LDLRAD4: variants seen among roughly 807,000 people sequenced by gnomAD.
LDLRAD4 encodes the protein low density lipoprotein receptor class A domain containing 4, also known as low-density lipoprotein receptor class A domain-containing protein 4.
A neutral mutation model predicts 17.0 loss-of-function variants in LDLRAD4; 5 were observed. That is an observed-to-expected ratio of 0.29 (90% CI 0.15 to 0.62). The LOEUF (loss-of-function observed/expected upper bound fraction) is 0.62. Among genes scored for constraint, LDLRAD4 ranks in the 20% least tolerant of loss-of-function variants. The pLI is 0.84. For missense variants in LDLRAD4, 340 were observed against 424.7 expected (o/e 0.80, Z 1.75); for synonymous variants, 168 against 171.8 (o/e 0.98, Z 0.17).
chr18:13,277,739 T>C (rs911645832), upstream of LDLRAD4, among the ~76,000 whole-genome samples: 4 of 151,944 alleles, frequency 2.6e-5, no homozygotes, highest in Non-Finnish European at 4.4e-5. Flanking sequence ...GCTTTTAGAG[T>C]GTGTATGAAT....
intron 3 of LDLRAD4, among the ~76,000 whole-genome samples, chr18:13,524,863 T>C (rs969392840): frequency 6.6e-6 from 1 of 152,230 alleles, no homozygotes; most frequent in African/African-American, 2.4e-5. Context: ...GACTTGATCT[T>C]CTTGATCTTA....
intron 2 of LDLRAD4, among the ~76,000 whole-genome samples, chr18:13,429,694 T>A (rs1217797988): frequency 6.6e-6 from 1 of 152,116 alleles, no homozygotes; most frequent in African/African-American, 2.4e-5. Flanking sequence ...TTCAGGCCTT[T>A]CAGCCAGGGG....
chr18:13,446,790 G>A (rs2091438408), intron 3 of LDLRAD4, among the ~76,000 whole-genome samples: 1 of 152,268 alleles, frequency 6.6e-6, no homozygotes, highest in South Asian at 2.1e-4. Context: ...GCCCGCCTCA[G>A]CCACATGTGG....
At chr18:13,525,274 C>T (rs1207861795) in intron 3 of LDLRAD4, among the ~76,000 whole-genome samples, 5 of 152,172 alleles carry the variant, frequency 3.3e-5, no homozygotes, top group African/African-American at 1.2e-4. Context: ...AGACACTGAC[C>T]TTAAGCTCTC....
chr18:13,564,800 C>CG (rs1291400914), intron 3 of LDLRAD4, among the ~76,000 whole-genome samples: 3 of 151,934 alleles, frequency 2.0e-5, no homozygotes, highest in Admixed American at 6.5e-5. Flanking sequence ...TGTGGCTGGT[C>CG]GGGGGTCATT....
At chr18:13,635,931 CTGTGTGTGTGTGTGTGTGTGTGTG>C (rs60695092) in intron 4 of LDLRAD4, among the ~76,000 whole-genome samples, 1 of 147,342 alleles carries the variant, frequency 6.8e-6, no homozygotes, top group East Asian at 2.0e-4. Flanking sequence ...GACAGCTATG[CTGTGTGTGTGTGTGTGTGTGTGTG>C]TGTGTGTGTG....
chr18:13,396,438 A>G (rs768555317), intron 2 of LDLRAD4, among the ~76,000 whole-genome samples: 6 of 152,254 alleles, frequency 3.9e-5, no homozygotes, highest in Non-Finnish European at 8.8e-5. Flanking sequence ...ACCACATACA[A>G]TATAAATGTT....
chr18:13,439,621 A>G (rs2090898235), intron 3 of LDLRAD4, among the ~76,000 whole-genome samples: 1 of 152,152 alleles, frequency 6.6e-6, no homozygotes, highest in Non-Finnish European at 1.5e-5. Flanking sequence ...TCTCACCTGG[A>G]GTCATCTGGC....
chr18:13,548,663 G>A (rs1397842368), intron 3 of LDLRAD4, among the ~76,000 whole-genome samples: 1 of 152,244 alleles, frequency 6.6e-6, no homozygotes, highest in African/African-American at 2.4e-5. Flanking sequence ...GCCTCCAAGA[G>A]TCCAGGGGTG....
intron 2 of LDLRAD4, among the ~76,000 whole-genome samples, chr18:13,406,528 G>T (rs188794192): frequency 6.3e-4 from 96 of 152,210 alleles, no homozygotes; most frequent in African/African-American, 2.3e-3. Context: ...GCCGTGGTGC[G>T]CATGATTATT....
chr18:13,333,605 G>T (rs2081970996), intron 1 of LDLRAD4, among the ~76,000 whole-genome samples: 1 of 152,142 alleles, frequency 6.6e-6, no homozygotes, highest in African/African-American at 2.4e-5. Flanking sequence ...ATGTGTCTAG[G>T]TTTATTTATT....
intron 1 of LDLRAD4, among the ~76,000 whole-genome samples, chr18:13,347,239 C>T (rs1036687535): frequency 9.8e-5 from 15 of 152,308 alleles, no homozygotes; most frequent in Admixed American, 7.8e-4. Context: ...TTAGTGCTTT[C>T]TTCAGGAGCT....
intron 2 of LDLRAD4, among the ~76,000 whole-genome samples, chr18:13,435,731 G>C (rs887260969): frequency 2.0e-5 from 3 of 152,206 alleles, no homozygotes; most frequent in African/African-American, 7.2e-5. Context: ...GTAGGTATGA[G>C]TCACTGTACC....
At chr18:13,628,863 CT>C (rs1324255385) in intron 4 of LDLRAD4, among the ~76,000 whole-genome samples, 1 of 152,242 alleles carries the variant, frequency 6.6e-6, no homozygotes, top group African/African-American at 2.4e-5. Flanking sequence ...CAAGATCTCA[CT>C]TTGTTGCGCA....
At chr18:13,272,862 T>C (rs889200284) in intron 1 of LDLRAD4, among the ~76,000 whole-genome samples, 5 of 152,218 alleles carry the variant, frequency 3.3e-5, no homozygotes, top group African/African-American at 9.6e-5. Flanking sequence ...TGAGTGCAGA[T>C]TCCTGGTGCT....
At chr18:13,231,692 A>G (rs772360077) in intron 1 of LDLRAD4, among the ~76,000 whole-genome samples, 4 of 152,244 alleles carry the variant, frequency 2.6e-5, no homozygotes, top group Admixed American at 6.5e-5. Context: ...CATGGGAATA[A>G]TAATGCCTTC....
chr18:13,547,956 A>T (rs1395200214), intron 3 of LDLRAD4, among the ~76,000 whole-genome samples: 1 of 152,176 alleles, frequency 6.6e-6, no homozygotes, highest in Non-Finnish European at 1.5e-5. Flanking sequence ...CTTGTCCTGC[A>T]TCCAGAAGAA....
intron 4 of LDLRAD4, among the ~76,000 whole-genome samples, chr18:13,631,311 T>A (rs369714160): frequency 3.3e-5 from 5 of 152,184 alleles, no homozygotes; most frequent in African/African-American, 1.2e-4. Context: ...GACTGAATCA[T>A]GAAGAAATAG....
At chr18:13,552,525 C>T (rs1357691060) in intron 3 of LDLRAD4, among the ~76,000 whole-genome samples, 5 of 152,202 alleles carry the variant, frequency 3.3e-5, no homozygotes, top group East Asian at 1.9e-4. Flanking sequence ...CAGCCAGTCA[C>T]GATCCTTCCC....
Sources: allele counts gnomAD v4.1 joint callset (sites outside exome capture counted in the v4.1 genomes callset), GRCh38; gene constraint gnomAD v4.1.1; transcripts MANE v1.5; gene names NCBI Gene and HGNC (gene_info 2026-07-23, HGNC 2026-07-21).